Variants in CCDC42 observed in about 807,000 individuals in gnomAD.
The protein encoded by CCDC42 is coiled-coil domain-containing protein 42.
CCDC42 carries 38 observed loss-of-function variants against 40.8 expected under a neutral mutation model. That is an observed-to-expected ratio of 0.93 (90% CI 0.72 to 1.22). CCDC42 has a LOEUF of 1.22. Among genes scored for constraint, CCDC42 ranks in the 50% most tolerant of loss-of-function variants. The pLI is 0.00. For synonymous variants in CCDC42, 135 were observed against 157.5 expected (o/e 0.86, Z 1.07); for missense variants, 379 against 416.5 (o/e 0.91, Z 0.78).
intron 4 of CCDC42, among the ~76,000 whole-genome samples, chr17:8,738,010 T>TGGG (rs11415364): frequency 4.3e-4 from 65 of 151,336 alleles, no homozygotes; most frequent in African/African-American, 1.5e-3. Flanking sequence ...TTTGCAGATT[T>TGGG]GGGGGGGGTC....
chr17:8,735,000 C>G, intron 6 of CCDC42, 96 bp downstream of exon 6: 2 of 1,363,076 alleles, frequency 1.5e-6, no homozygotes, highest in Non-Finnish European at 2.0e-6. Flanking sequence ...AGTCCCTGCT[C>G]TGCTTCTCTG....
At chr17:8,744,042 T>A in intron 2 of CCDC42, 37 bp downstream of exon 2, 650 of 1,195,300 alleles carry the variant, frequency 5.4e-4, no homozygotes, top group Non-Finnish European at 7.3e-4. Context: ...ACCCCCTTCC[T>A]TTCCTGCCCC....
At chr17:8,744,397 T>C in intron 1 of CCDC42, 130 bp downstream of exon 1, 3 of 811,046 alleles carry the variant, frequency 3.7e-6, no homozygotes. Flanking sequence ...TGAGGTGGAC[T>C]GGTGCCAAGG....
At chr17:8,736,902 GAGA>G (rs1019739697) in intron 4 of CCDC42, among the ~76,000 whole-genome samples, 2 of 150,272 alleles carry the variant, frequency 1.3e-5, no homozygotes, top group African/African-American at 2.5e-5. Flanking sequence ...GGGAGAGACT[GAGA>G]AGAAGAAGAA....
chr17:8,735,586 G>A lies in CCDC42; in HGVS notation c.518C>T (p.Ala173Val). 1 of 1,613,998 alleles carries A rather than the reference G, an allele frequency of 6.2e-7. No homozygotes were observed. The highest frequency in any genetic ancestry group is 1.1e-5 in the South Asian group (1 of 91,088). ...CATGCTCACCAGCGTCTTGTAGCGT[G>A]CAATCACCTCATGGATCTCCTCGAA... ...SEFEEIHEVI[A>V]RYKTLVSMRH... The change falls in exon 5 of 7, where the codon GCA becomes GTA. Residue 173 changes from alanine (A) to valine (V), a missense_variant. Physicochemically the swap from Ala to Val is moderately conservative, Grantham distance 64. Coordinates refer to ENST00000293845, the MANE Select transcript of CCDC42 (RefSeq NM_144681.3). The surrounding 1 kb of genome is among the most constrained non-coding windows in gnomAD (Gnocchi z 4.7).
chr17:8,731,891 G>A (rs1225970427), intron 6 of CCDC42, among the ~76,000 whole-genome samples: 8 of 152,262 alleles, frequency 5.3e-5, no homozygotes, highest in Admixed American at 2.6e-4. Context: ...TTGGCTGGAC[G>A]CGGTAGCTCA....
chr17:8,739,176 C>T (rs1026315214), intron 4 of CCDC42, among the ~76,000 whole-genome samples: 7 of 152,126 alleles, frequency 4.6e-5, no homozygotes, highest in Non-Finnish European at 1.0e-4. Flanking sequence ...CAGAGTTGAA[C>T]TCCAGACGAG....
intron 3 of CCDC42, 128 bp from the exon 4 acceptor site, chr17:8,741,799 A>G: frequency 1.2e-6 from 1 of 863,760 alleles, no homozygotes; most frequent in South Asian, 1.7e-5. Flanking sequence ...ACAGGCAGAG[A>G]TTGCTGGGCC....
At position 8,741,588 on chromosome 17, in the gene CCDC42, G is replaced by T; in HGVS notation, c.378C>A (p.Thr126=). The T allele has an allele frequency of 6.2e-7, 1 of 1,614,194 alleles. No homozygotes were observed. Among genetic ancestry groups the T allele is most frequent in the Non-Finnish European group, 8.5e-7 (1 of 1,180,038 alleles). The change falls in exon 4 of 7, where the codon ACC becomes ACA. Residue 126 remains threonine (T), a synonymous_variant. Transcript: ENST00000293845. ...ELKCQHMQEL[T]KRKQEMVALR... ...GCGCCACCATCTCCTGCTTGCGCTT[G>T]GTCAGCTCCTGCATGTGCTGGCACT...
At chr17:8,734,893 G>C (rs556297398) in intron 6 of CCDC42, among the ~76,000 whole-genome samples, 1 of 152,334 alleles carries the variant, frequency 6.6e-6, no homozygotes, top group South Asian at 2.1e-4. Flanking sequence ...AAATTCATGA[G>C]TTCTCATCTC....
At chr17:8,731,288 C>T (rs536840545) in intron 6 of CCDC42, among the ~76,000 whole-genome samples, 4 of 152,270 alleles carry the variant, frequency 2.6e-5, no homozygotes, top group South Asian at 2.1e-4. Context: ...GAAAAGGGAA[C>T]GTTCATACAC....
At chr17:8,739,808 G>A (rs557689758) in intron 4 of CCDC42, among the ~76,000 whole-genome samples, 23 of 152,302 alleles carry the variant, frequency 1.5e-4, no homozygotes, top group African/African-American at 5.5e-4. Context: ...CTCCCAAAGT[G>A]CTGGGATTAC....
At chr17:8,736,472 C>T (rs1319319230) in intron 4 of CCDC42, among the ~76,000 whole-genome samples, 3 of 152,238 alleles carry the variant, frequency 2.0e-5, no homozygotes, top group African/African-American at 7.2e-5. Context: ...AACCCACGCT[C>T]TTTAGAAGGC....
chr17:8,741,719 C>T (rs1466372775), intron 3 of CCDC42, 48 bp from the exon 4 acceptor site: 1 of 1,577,800 alleles, frequency 6.3e-7, no homozygotes, highest in East Asian at 2.3e-5. Context: ...GCCCAGCCCT[C>T]CCGGGGCCCA....
rs931628059 is a variant in CCDC42, at chr17:8,744,798, G to T, written c.-189C>A. On this transcript the variant is annotated 5_prime_UTR_variant, in exon 1 of 7. Coordinates refer to ENST00000293845, the MANE Select transcript of CCDC42 (RefSeq NM_144681.3). ...GACAGGTTGGGCGGCTCAGGACGAT[G>T]TGCTGGGGCAGTTATGGGAGATGTG... 2 of 605,352 alleles carry T rather than the reference G, an allele frequency of 3.3e-6. No individual in the cohort carries two copies. The highest frequency in any genetic ancestry group is 5.6e-5 in the East Asian group (2 of 36,034). The allele number at this position is 605,352 out of a possible 1,614,324, so 37.5% of individuals were successfully genotyped here.
At chr17:8,743,286 C>G (rs1490018312) in intron 3 of CCDC42, among the ~76,000 whole-genome samples, 1 of 152,166 alleles carries the variant, frequency 6.6e-6, no homozygotes, top group Admixed American at 6.5e-5. Context: ...CTGTCTCATT[C>G]ATCACTGTAT....
chr17:8,741,596 C>T lies in CCDC42; in HGVS notation c.370G>A (p.Glu124Lys), dbSNP rs758186993. The change falls in exon 4 of 7, where the codon GAG becomes AAG. Residue 124 changes from glutamate to lysine, a missense_variant. Glu to Lys is a moderately conservative substitution (Grantham distance 56). Transcript: ENST00000293845. ...ERELKCQHMQ[E>K]LTKRKQEMVA... ...ATCTCCTGCTTGCGCTTGGTCAGCTCCTGCATGTGCTGGCACTTGAGTTCT... is the reference window on the plus strand; with the variant it reads ...ATCTCCTGCTTGCGCTTGGTCAGCTTCTGCATGTGCTGGCACTTGAGTTCT... 6.2e-6 allele frequency: 10 copies of T among 1,614,190 alleles called. No individual in the cohort carries two copies. Among genetic ancestry groups the T allele is most frequent in the Non-Finnish European group, 8.5e-6 (10 of 1,180,034 alleles).
At chr17:8,736,214 ACAGT>A (rs1158642442) in intron 4 of CCDC42, among the ~76,000 whole-genome samples, 3 of 152,208 alleles carry the variant, frequency 2.0e-5, no homozygotes, top group Non-Finnish European at 2.9e-5. Context: ...AGACAAGTAA[ACAGT>A]CAGTTACAAC....
rs572539861 is a variant in CCDC42, at chr17:8,735,051, G to A, written c.873+45C>T. 49 of 1,608,078 alleles carry A rather than the reference G, an allele frequency of 3.0e-5. No individual in the cohort carries two copies. Among genetic ancestry groups the A allele is most frequent in the Admixed American group, 6.7e-5 (4 of 59,840 alleles). On this transcript the variant is annotated intron_variant, in intron 6 of 6. Coordinates refer to ENST00000293845, the MANE Select transcript of CCDC42 (RefSeq NM_144681.3). This position sits in a 1 kb window ranked among gnomAD's most constrained non-coding sequence, Gnocchi z 4.7. ...CACCCAACCAACTGGCAACCTCCTC[G>A]GCCCAGCCGACCCCACGGGCCCAGT...
Sources: gnomAD v4.1 joint callset for allele counts (sites outside exome capture counted in the v4.1 genomes callset) on GRCh38, gnomAD v4.1.1 for gene constraint, Gnocchi (gnomAD v3.1) non-coding constraint, MANE v1.5 for transcripts, NCBI Gene and HGNC (gene_info 2026-07-23, HGNC 2026-07-21) for gene names.